Variants in AAMDC observed in about 807,000 individuals in gnomAD.
The protein encoded by AAMDC is adipogenesis associated Mth938 domain containing.
In AAMDC, 16 loss-of-function variants were observed where a neutral mutation model predicts 15.5. The ratio of observed to expected loss-of-function variants is 1.03; its 90% CI spans 0.70 to 1.57. AAMDC has a LOEUF of 1.57. Among genes scored for constraint, AAMDC ranks in the 40% most tolerant of loss-of-function variants. The pLI, the probability that AAMDC is intolerant of heterozygous loss-of-function variation, is 0.00. For synonymous variants in AAMDC, 51 were observed against 51.6 expected (o/e 0.99, Z 0.05); for missense variants, 141 against 144.9 (o/e 0.97, Z 0.14).
intron 5 of AAMDC, among the ~76,000 whole-genome samples, chr11:77,898,903 C>T (rs1281613164): frequency 6.6e-6 from 1 of 152,058 alleles, no homozygotes; most frequent in Non-Finnish European, 1.5e-5. Flanking sequence ...GCCTGTAGTC[C>T]CAGCTACTTG....
At chr11:77,895,223 G>A (rs1452171756) in intron 5 of AAMDC, among the ~76,000 whole-genome samples, 1 of 151,820 alleles carries the variant, frequency 6.6e-6, no homozygotes, top group Non-Finnish European at 1.5e-5. Context: ...TTTCTTGTAT[G>A]TAATTTCTGC....
At chr11:77,886,992 A>AG (rs1469678842) in intron 5 of AAMDC, among the ~76,000 whole-genome samples, 2 of 152,064 alleles carry the variant, frequency 1.3e-5, no homozygotes, top group African/African-American at 2.4e-5. Context: ...CACAAGAGAA[A>AG]GCAGGAAAGA....
intron 2 of AAMDC, 141 bp downstream of exon 2, chr11:77,842,769 TA>T (rs781540659): frequency 8.4e-7 from 1 of 1,193,536 alleles, no homozygotes; most frequent in Non-Finnish European, 1.2e-6. Context: ...TTCACCCTTT[TA>T]AAGTATGCAA....
At chr11:77,882,925 A>G (rs1374406332) in intron 5 of AAMDC, among the ~76,000 whole-genome samples, 1 of 152,124 alleles carries the variant, frequency 6.6e-6, no homozygotes, top group Non-Finnish European at 1.5e-5. Flanking sequence ...CAAAAAAATT[A>G]GCCAGGTGTA....
chr11:77,873,255 T>C (rs778426071), downstream of AAMDC, among the ~76,000 whole-genome samples: 3 of 152,196 alleles, frequency 2.0e-5, no homozygotes, highest in Non-Finnish European at 4.4e-5. Context: ...CAGGATAACA[T>C]TAGCAGTACC....
At chr11:77,853,137 C>T (rs1308945796) in intron 2 of AAMDC, among the ~76,000 whole-genome samples, 3 of 151,908 alleles carry the variant, frequency 2.0e-5, no homozygotes, top group African/African-American at 2.4e-5. Flanking sequence ...GGGGTTGTAC[C>T]GTATTTTAGT....
intron 5 of AAMDC, among the ~76,000 whole-genome samples, chr11:77,885,621 C>T (rs760206220): frequency 1.3e-5 from 2 of 151,842 alleles, no homozygotes; most frequent in Non-Finnish European, 2.9e-5. Flanking sequence ...GAGTTCAAGA[C>T]CAGTCTGGTC....
chr11:77,831,714 GAGAC>G (rs1949434153), intron 1 of AAMDC, among the ~76,000 whole-genome samples: 1 of 124,814 alleles, frequency 8.0e-6, no homozygotes, highest in Admixed American at 8.9e-5. Flanking sequence ...TTTTTTTTCT[GAGAC>G]AGGGTCTCAC....
At chr11:77,835,313 T>C (rs1949634165) in intron 1 of AAMDC, among the ~76,000 whole-genome samples, 1 of 152,156 alleles carries the variant, frequency 6.6e-6, no homozygotes, top group African/African-American at 2.4e-5. Context: ...TATTAAACTA[T>C]GAGAGTGAAG....
At chr11:77,884,106 T>A (rs1184875083) in intron 5 of AAMDC, among the ~76,000 whole-genome samples, 1 of 152,158 alleles carries the variant, frequency 6.6e-6, no homozygotes, top group African/African-American at 2.4e-5. Context: ...ACTGTAGACA[T>A]CTCTATTCCC....
At chr11:77,823,406 C>T (rs1590914323) in intron 1 of AAMDC, among the ~76,000 whole-genome samples, 1 of 151,678 alleles carries the variant, frequency 6.6e-6, no homozygotes, top group East Asian at 1.9e-4. Context: ...GTGTATATCT[C>T]TTGACCCTGG....
chr11:77,873,573 A>T (rs1951515552), downstream of AAMDC, among the ~76,000 whole-genome samples: 2 of 152,216 alleles, frequency 1.3e-5, no homozygotes, highest in Non-Finnish European at 2.9e-5. Flanking sequence ...GCCCTGGGGG[A>T]ATAAGGATGA....
chr11:77,899,544 C>T (rs1339861905), intron 5 of AAMDC, among the ~76,000 whole-genome samples: 6 of 152,000 alleles, frequency 3.9e-5, no homozygotes, highest in Non-Finnish European at 8.8e-5. Context: ...GTGTTGCATG[C>T]CTGTAATCCC....
downstream of AAMDC, chr11:77,901,586 T>C (rs544756264): frequency 1.0e-5 from 15 of 1,506,114 alleles, no homozygotes; most frequent in South Asian, 2.3e-5. Flanking sequence ...TCAATAAAAA[T>C]ATCATAGTCT....
At chr11:77,841,640 G>A (rs1455073474) in intron 1 of AAMDC, among the ~76,000 whole-genome samples, 1 of 152,140 alleles carries the variant, frequency 6.6e-6, no homozygotes, top group African/African-American at 2.4e-5. Context: ...CATTAGCCCA[G>A]AATGTTTGGG....
At chr11:77,826,184 A>C (rs1359163866) in intron 1 of AAMDC, among the ~76,000 whole-genome samples, 1 of 152,112 alleles carries the variant, frequency 6.6e-6, no homozygotes, top group Non-Finnish European at 1.5e-5. Context: ...CAACATGGTG[A>C]AACTTCGTCT....
intron 5 of AAMDC, chr11:77,883,993 G>A (rs1189956865): frequency 6.3e-7 from 1 of 1,596,752 alleles, no homozygotes; most frequent in East Asian, 2.2e-5. Context: ...GAAGCGAGAG[G>A]AGCATTTAAC....
At chr11:77,866,641 A>T (rs1951123339) in intron 2 of AAMDC, 1 of 151,918 alleles carries the variant, frequency 6.6e-6, no homozygotes, top group Non-Finnish European at 1.5e-5. Flanking sequence ...GTCTCCTATG[A>T]CCTTACACTT....
At chr11:77,891,043 C>A (rs540762064) in intron 5 of AAMDC, among the ~76,000 whole-genome samples, 1 of 152,062 alleles carries the variant, frequency 6.6e-6, no homozygotes, top group Non-Finnish European at 1.5e-5. Context: ...TTTAGTGAAC[C>A]CTTACTGGGT....
Sources: gnomAD v4.1 joint callset for allele counts (sites outside exome capture counted in the v4.1 genomes callset) on GRCh38, gnomAD v4.1.1 for gene constraint, MANE v1.5 for transcripts, NCBI Gene and HGNC (gene_info 2026-07-23, HGNC 2026-07-21) for gene names.